FGD5: variants seen among roughly 807,000 people sequenced by gnomAD.
The protein encoded by FGD5 is FYVE, RhoGEF and PH domain containing 5.
In FGD5, 28 loss-of-function variants were observed where a neutral mutation model predicts 133.4. The observed-to-expected ratio is 0.21, with a 90% CI of 0.16 to 0.29. The LOEUF (loss-of-function observed/expected upper bound fraction) is 0.29, where lower values mean the gene tolerates loss of function less well. FGD5 is among the 10% of genes least tolerant of loss of function. The pLI, the probability that FGD5 is intolerant of heterozygous loss-of-function variation, is 1.00. For synonymous variants in FGD5, 810 were observed against 776.5 expected, an observed-to-expected ratio of 1.04 and a Z score of -0.72; for missense variants, 1,858 against 1,895.2, an observed-to-expected ratio of 0.98 and a Z score of 0.36.
At chr3:14,923,722 C>T (rs1575262774) in intron 16 of FGD5, among the ~76,000 whole-genome samples, 1 of 152,210 alleles carries the variant, frequency 6.6e-6, no homozygotes, top group African/African-American at 2.4e-5. Flanking sequence ...CTGGCCTCCA[C>T]TCCACGGGGC....
chr3:14,847,797 G>A (rs572188601), intron 1 of FGD5, among the ~76,000 whole-genome samples: 93 of 152,338 alleles, frequency 6.1e-4, no homozygotes, highest in African/African-American at 2.1e-3. Context: ...GTCAGCAGAT[G>A]AGGCGCTGAG....
rs917517480 is a variant in FGD5, at chr3:14,933,503, G to A, written c.*336G>A. 1 of 279,832 alleles carries A rather than the reference G, an allele frequency of 3.6e-6. No homozygotes were observed. The allele number at this position is 279,832 out of a possible 1,614,324, so 17.3% of individuals were successfully genotyped here. A position where few individuals can be genotyped will look rare whatever the true frequency, so the allele number is the denominator to read the frequency against. On this transcript the variant is annotated 3_prime_UTR_variant, in exon 20 of 20. Coordinates refer to ENST00000285046, the MANE Select transcript of FGD5 (RefSeq NM_152536.4). Reference sequence around the variant, plus strand: ...ATGAAAAGTACATTTAGAAATGCAGGCTTTTTAGTAGAAAGAAGCTCTTAC... The same window carrying A: ...ATGAAAAGTACATTTAGAAATGCAGACTTTTTAGTAGAAAGAAGCTCTTAC...
Position 14,820,597 on chromosome 3 carries a change from C to A in FGD5, c.1526C>A (p.Ala509Asp). The A allele has an allele frequency of 1.2e-6, 2 of 1,607,916 alleles. No homozygotes were observed. The highest frequency in any genetic ancestry group is 1.7e-6 in the Non-Finnish European group (2 of 1,176,826). The change falls in exon 1 of 20, where the codon GCC becomes GAC. Residue 509 changes from alanine to aspartate, a missense_variant. Transcript: ENST00000285046. Reference sequence around the variant, plus strand: ...ACCGGACCTGAGGCGGGCTCGTCAGCCCCTGGCATTGGAGGTGCCGCAGAG... The same window carrying A: ...ACCGGACCTGAGGCGGGCTCGTCAGACCCTGGCATTGGAGGTGCCGCAGAG... ...EETGPEAGSS[A>D]PGIGGAAEEV...
intron 3 of FGD5, 50 bp downstream of exon 3, chr3:14,880,680 C>T (rs1254594877): frequency 6.2e-7 from 1 of 1,613,850 alleles, no homozygotes; most frequent in Non-Finnish European, 8.5e-7. Flanking sequence ...AACAAAACGT[C>T]ACCCTCCTGG....
In FGD5 at chr3:14,922,433, G is replaced by A. The variant is rs768871785; in HGVS notation, c.3692G>A (p.Ser1231Asn). 1.3e-6 allele frequency: 2 copies of A among 1,568,700 alleles called. No homozygotes were observed. The highest frequency in any genetic ancestry group is 2.4e-5 in the East Asian group (1 of 42,308). The change falls in exon 15 of 20, where the codon AGC becomes AAC. Residue 1231 changes from serine to asparagine, a missense_variant. Ser to Asn is a conservative substitution (Grantham distance 46). Around this residue, in one of 3 missense-constraint regions of FGD5, gnomAD observed 1,824 missense variants for 1,848.9 expected, o/e 0.99. Transcript: ENST00000285046. This position sits in a 1 kb window ranked among gnomAD's most constrained non-coding sequence, Gnocchi z 4.1. Reference sequence around the variant, plus strand: ...CAGATACGAGAGAGGCTGGGGGTTAGCCTTGGGGAGAGGCCCCCCACCCTG... The same window carrying A: ...CAGATACGAGAGAGGCTGGGGGTTAACCTTGGGGAGAGGCCCCCCACCCTG... ...SVEIRERLGV[S>N]LGERPPTLVP...
At chr3:14,844,233 T>C (rs937072) in intron 1 of FGD5, among the ~76,000 whole-genome samples, 2 of 26,662 alleles carry the variant, frequency 7.5e-5, no homozygotes, top group East Asian at 1.2e-3. Flanking sequence ...TATATATATA[T>C]ATATATATAT....
At chr3:14,855,640 G>C (rs985997131) in intron 1 of FGD5, among the ~76,000 whole-genome samples, 1 of 150,388 alleles carries the variant, frequency 6.6e-6, no homozygotes, top group East Asian at 2.0e-4. Flanking sequence ...ATACTTGTTG[G>C]CCATTTGTAT....
At chr3:14,842,318 A>G (rs2125086305) in intron 1 of FGD5, among the ~76,000 whole-genome samples, 1 of 152,284 alleles carries the variant, frequency 6.6e-6, no homozygotes, top group Non-Finnish European at 1.5e-5. Flanking sequence ...GGGCCTAGGC[A>G]CAGGCATGGT....
At position 14,819,904 on chromosome 3, in the gene FGD5, G is replaced by A. The variant is rs755777159; in HGVS notation, c.833G>A (p.Gly278Glu). Residue 278 changes from glycine (G) to glutamate (E), a missense_variant, in exon 1 of 20, where the codon GGA becomes GAA. By Grantham distance (98) the Gly-to-Glu change is moderately conservative. This residue lies in a region of FGD5 where 1,824 missense variants were observed against 1,848.9 expected (regional missense o/e 0.99). Coordinates refer to ENST00000285046, the MANE Select transcript of FGD5 (RefSeq NM_152536.4). The surrounding 1 kb of genome is among the most constrained non-coding windows in gnomAD (Gnocchi z 4.1). ...ATDCPEVLEE[G>E]CEEATGVTGG... ...GACTGCCCTGAAGTTCTTGAGGAGG[G>A]ATGTGAAGAGGCCACGGGTGTCACA... The A allele has an allele frequency of 6.2e-6, 10 of 1,613,804 alleles. No individual in the cohort carries two copies. Among genetic ancestry groups the A allele is most frequent in the African/African-American group, 5.3e-5 (4 of 74,922 alleles).
rs113366990 is a variant in FGD5, at chr3:14,896,204, A to G, written c.2749-1305A>G. ...AAGAACTAATATTGCTAAAATGACA[A>G]TACTACCCAAGGCAGTTTATAAATC... On this transcript the variant is annotated intron_variant, in intron 4 of 19. Transcript: ENST00000285046. Among the ~76,000 whole-genome samples the G allele has an allele frequency of 4.8e-3, 736 of 152,338 alleles. 2 individuals carry two copies. The highest frequency in any genetic ancestry group is 8.1e-3 in the Non-Finnish European group (554 of 68,024).
chr3:14,811,774 G>T (rs1185739654), intron 1 of FGD5, among the ~76,000 whole-genome samples: 1 of 152,202 alleles, frequency 6.6e-6, no homozygotes, highest in African/African-American at 2.4e-5. Context: ...CATCTAAGGG[G>T]AGGGCAGAAA....
At chr3:14,870,619 C>T (rs115541324) in intron 2 of FGD5, among the ~76,000 whole-genome samples, 2,143 of 152,312 alleles carry the variant, frequency 0.014, 54 homozygotes, top group African/African-American at 0.048. Flanking sequence ...CTCCACCGCC[C>T]CCAGACCCCA....
At position 14,819,359 on chromosome 3, in the gene FGD5, G is replaced by T; in HGVS notation, c.288G>T (p.Ala96=). The change falls in exon 1 of 20, where the codon GCG becomes GCT. Residue 96 remains alanine, a synonymous_variant. Coordinates refer to ENST00000285046, the MANE Select transcript of FGD5 (RefSeq NM_152536.4). This position sits in a 1 kb window ranked among gnomAD's most constrained non-coding sequence, Gnocchi z 4.1. ...CCCTGGTGTCTCCCGAGTCCTCTGCGGAAGAGGAAGAGGAGCGTGAAGAGG... is the reference window on the plus strand; with the variant it reads ...CCCTGGTGTCTCCCGAGTCCTCTGCTGAAGAGGAAGAGGAGCGTGAAGAGG... ...NKALVSPESS[A]EEEEEREEGG... is the part of the protein sequence containing the mutation. 6.5e-7 allele frequency: 1 copy of T among 1,548,618 alleles called. No homozygotes were observed. Among genetic ancestry groups the T allele is most frequent in the Non-Finnish European group, 8.7e-7 (1 of 1,145,456 alleles).
chr3:14,922,238 T>G lies in FGD5; in HGVS notation c.3670-173T>G. ...GTCTTGTTCTCACAGTCTGGCTGTTTCCCAACCAAGGGTGAGCATCCTGGA... is the reference window on the plus strand; with the variant it reads ...GTCTTGTTCTCACAGTCTGGCTGTTGCCCAACCAAGGGTGAGCATCCTGGA... On this transcript the variant is annotated intron_variant, in intron 14 of 19. Coordinates refer to ENST00000285046, the MANE Select transcript of FGD5 (RefSeq NM_152536.4). The surrounding 1 kb of genome is among the most constrained non-coding windows in gnomAD (Gnocchi z 4.1). The G allele has an allele frequency of 9.0e-7, 1 of 1,107,490 alleles. No individual in the cohort carries two copies. Among genetic ancestry groups the G allele is most frequent in the Non-Finnish European group, 1.3e-6 (1 of 780,164 alleles). 68.6% of individuals were successfully genotyped at this position (1,107,490 alleles called of 1,614,324 possible).
At chr3:14,823,274 T>C (rs1364095280) in intron 1 of FGD5, among the ~76,000 whole-genome samples, 1 of 152,148 alleles carries the variant, frequency 6.6e-6, no homozygotes, top group African/African-American at 2.4e-5. Flanking sequence ...ACCGCCCACC[T>C]CTAACAGGTG....
At chr3:14,924,897 C>G (rs865879851) in intron 17 of FGD5, among the ~76,000 whole-genome samples, 1 of 151,918 alleles carries the variant, frequency 6.6e-6, no homozygotes, top group Non-Finnish European at 1.5e-5. Flanking sequence ...GTCGGGAGAT[C>G]CAGACCATCT....
At chr3:14,840,850 G>A (rs1412459478) in intron 1 of FGD5, among the ~76,000 whole-genome samples, 1 of 152,212 alleles carries the variant, frequency 6.6e-6, no homozygotes, top group African/African-American at 2.4e-5. Flanking sequence ...GATGTGTCCT[G>A]TCGTGCACAA....
At chr3:14,851,562 C>T (rs1445056269) in intron 1 of FGD5, among the ~76,000 whole-genome samples, 1 of 152,230 alleles carries the variant, frequency 6.6e-6, no homozygotes, top group East Asian at 1.9e-4. Context: ...ATCACTACCT[C>T]AGGTTGCCCA....
chr3:14,845,354 G>T (rs771917041), intron 1 of FGD5, among the ~76,000 whole-genome samples: 8 of 152,184 alleles, frequency 5.3e-5, no homozygotes, highest in Non-Finnish European at 7.3e-5. Context: ...TACTCACTTT[G>T]AGGTTGGAAG....
Sources: allele counts gnomAD v4.1 joint callset (sites outside exome capture counted in the v4.1 genomes callset), GRCh38; gene constraint gnomAD v4.1.1; regional missense constraint gnomAD v4.1.1; non-coding constraint Gnocchi (gnomAD v3.1); transcripts MANE v1.5; gene names NCBI Gene and HGNC (gene_info 2026-07-23, HGNC 2026-07-21).